SMYD3: variants seen among roughly 807,000 people sequenced by gnomAD.
SMYD3 encodes the protein histone-lysine N-methyltransferase SMYD3.
A neutral mutation model predicts 57.7 loss-of-function variants in SMYD3; 36 were observed. The observed-to-expected ratio is 0.62, with a 90% confidence interval of 0.48 to 0.82. The LOEUF is 0.82. SMYD3 is among the 40% of genes least tolerant of loss of function. SMYD3 has a pLI of 0.00. For synonymous variants in SMYD3, 211 were observed against 195.0 expected (o/e 1.08, Z -0.68); for missense variants, 515 against 538.8 (o/e 0.96, Z 0.44).
At chr1:245,865,939 T>G (rs2051809042) in intron 8 of SMYD3, among the ~76,000 whole-genome samples, 1 of 152,120 alleles carries the variant, frequency 6.6e-6, no homozygotes. Context: ...TTTCAACGGG[T>G]GTCAGAGACA....
chr1:246,036,529 T>G (rs2059773896), intron 5 of SMYD3, among the ~76,000 whole-genome samples: 1 of 113,884 alleles, frequency 8.8e-6, no homozygotes, highest in Admixed American at 8.2e-5. Context: ...CTCTGTACTC[T>G]TCTTTCTCTC....
chr1:246,504,104 A>T (rs11810764), intron 1 of SMYD3, among the ~76,000 whole-genome samples: 95,353 of 152,056 alleles, frequency 0.63, 31,377 homozygotes, highest in Admixed American at 0.72. Context: ...AGGTAAGATA[A>T]GCCATGAAGC....
Position 246,383,956 on chromosome 1 carries a change from C to T in SMYD3, c.165-28862G>A, listed in dbSNP as rs2066429227. On this transcript the variant is annotated intron_variant, in intron 1 of 11. Coordinates refer to ENST00000490107, the MANE Select transcript of SMYD3 (RefSeq NM_001167740.2). ...GAAACATTTATAGTCAAGGGAAACA[C>T]AAAGGCATTAAATAAAATTAAAAGA... Among the ~76,000 whole-genome samples, 3 of 151,872 alleles carry T rather than the reference C, an allele frequency of 2.0e-5. No homozygotes were observed. The South Asian group carries it at 6.2e-4, about 32-fold the overall frequency.
chr1:245,802,798 C>T (rs548807727), intron 10 of SMYD3, among the ~76,000 whole-genome samples: 8 of 152,324 alleles, frequency 5.3e-5, no homozygotes, highest in East Asian at 1.9e-4. Context: ...ATGGAATAAT[C>T]GGAAGACAGA....
At chr1:246,412,537 A>AT (rs34608226) in intron 1 of SMYD3, among the ~76,000 whole-genome samples, 11,845 of 148,986 alleles carry the variant, frequency 0.08, 524 homozygotes, top group Middle Eastern at 0.21. Flanking sequence ...ATACTACCTG[A>AT]TTTTTTTTTT....
In SMYD3 at chr1:246,282,192, G is replaced by C. The variant is rs547654085; in HGVS notation, c.531+45009C>G. ...GGTCTAAAAATTGTTTCCTGGTCAG[G>C]TGCAGTGGTTCATGCCCGTAATCCT... On this transcript the variant is annotated intron_variant, in intron 5 of 11. Transcript: ENST00000490107. Among the ~76,000 whole-genome samples, 23 of 151,638 alleles carry C rather than the reference G, an allele frequency of 1.5e-4. No homozygotes were observed. The East Asian group carries it at 4.4e-3, about 29-fold the overall frequency.
chr1:245,974,415 T>C (rs2058375579), intron 5 of SMYD3, among the ~76,000 whole-genome samples: 2 of 152,216 alleles, frequency 1.3e-5, no homozygotes, highest in South Asian at 4.1e-4. Flanking sequence ...AGAATGTATC[T>C]TGAATCTATT....
intron 5 of SMYD3, among the ~76,000 whole-genome samples, chr1:246,150,012 TG>T (rs2061916816): frequency 6.6e-6 from 1 of 152,252 alleles, no homozygotes; most frequent in African/African-American, 2.4e-5. Flanking sequence ...TCTGTTCTTT[TG>T]CATCCGCAGC....
chr1:246,371,949 C>T (rs2066199892), intron 1 of SMYD3, among the ~76,000 whole-genome samples: 1 of 151,196 alleles, frequency 6.6e-6, no homozygotes, highest in African/African-American at 2.4e-5. Context: ...TAACTTTTAA[C>T]TGTAAATTGC....
At chr1:245,932,042 T>C (rs1334244381) in intron 5 of SMYD3, among the ~76,000 whole-genome samples, 1 of 152,186 alleles carries the variant, frequency 6.6e-6, no homozygotes, top group Non-Finnish European at 1.5e-5. Context: ...AAGTCCTACG[T>C]TTAATTTTTG....
At chr1:246,303,553 A>G (rs1476831922) in intron 5 of SMYD3, among the ~76,000 whole-genome samples, 1 of 152,140 alleles carries the variant, frequency 6.6e-6, no homozygotes, top group Non-Finnish European at 1.5e-5. Context: ...TAAATTTTAT[A>G]TTATTTTTAT....
At chr1:246,102,421 T>C (rs1269114847) in intron 5 of SMYD3, among the ~76,000 whole-genome samples, 1 of 152,146 alleles carries the variant, frequency 6.6e-6, no homozygotes, top group East Asian at 1.9e-4. Context: ...CTCCATTTGG[T>C]TGCTTACTTC....
chr1:245,861,627 T>C (rs2051551999), intron 9 of SMYD3, among the ~76,000 whole-genome samples: 2 of 152,202 alleles, frequency 1.3e-5, no homozygotes, highest in African/African-American at 4.8e-5. Flanking sequence ...TAGCAATGCA[T>C]GTTCTGCGCG....
chr1:246,447,225 C>CT (rs2067561754), intron 1 of SMYD3, among the ~76,000 whole-genome samples: 1 of 152,118 alleles, frequency 6.6e-6, no homozygotes. Flanking sequence ...TCTATAATGT[C>CT]TTGCCTTTAT....
At chr1:245,908,720 G>A (rs1020699350) in intron 8 of SMYD3, among the ~76,000 whole-genome samples, 1 of 152,134 alleles carries the variant, frequency 6.6e-6, no homozygotes, top group Non-Finnish European at 1.5e-5. Context: ...TGCTTCTTGG[G>A]TCAGTGAAGC....
rs561665244 is a variant in SMYD3, at chr1:245,969,867, A to G, written c.532-39930T>C. 2.0e-5 allele frequency among the ~76,000 whole-genome samples: 3 copies of G among 152,352 alleles called. No homozygotes were observed. The South Asian group carries it at 6.2e-4, about 32-fold the overall frequency. On this transcript the variant is annotated intron_variant, in intron 5 of 11. Transcript: ENST00000490107. ...GTGTATAAAAACCAAGTGTCTCTAA[A>G]AAGTATTATTTTTGTTGACATTTAT... is the stretch of plus-strand genomic sequence containing the variant.
chr1:246,112,706 A>T (rs1468832480), intron 5 of SMYD3, among the ~76,000 whole-genome samples: 2 of 152,234 alleles, frequency 1.3e-5, no homozygotes, highest in Non-Finnish European at 1.5e-5. Context: ...GCAAAAAAAT[A>T]AAAAATAGGC....
At chr1:245,959,461 GT>G (rs2057943513) in intron 5 of SMYD3, among the ~76,000 whole-genome samples, 1 of 152,230 alleles carries the variant, frequency 6.6e-6, no homozygotes, top group East Asian at 1.9e-4. Context: ...ACTTGGTTGT[GT>G]GATTTTTGGT....
chr1:245,938,255 C>T lies in SMYD3; in HGVS notation c.532-8318G>A, dbSNP rs778732285. ...GTGCATGACTCGTGTACAAGCTGTG[C>T]GGGCCCGCATGAAGGTATTTTGGGG... is the stretch of plus-strand genomic sequence containing the variant. On this transcript the variant is annotated intron_variant, in intron 5 of 11. Coordinates refer to ENST00000490107, the MANE Select transcript of SMYD3 (RefSeq NM_001167740.2). Among the ~76,000 whole-genome samples, 15 of 152,258 alleles carry T rather than the reference C, an allele frequency of 9.9e-5. No homozygotes were observed. The South Asian group carries it at 1.5e-3, about 15-fold the overall frequency.
Sources: gnomAD v4.1 joint callset for allele counts (sites outside exome capture counted in the v4.1 genomes callset) on GRCh38, gnomAD v4.1.1 for gene constraint, MANE v1.5 for transcripts, NCBI Gene and HGNC (gene_info 2026-07-23, HGNC 2026-07-21) for gene names.